The following PCDH15 variants were observed in gnomAD, a reference collection of about 807,000 sequenced individuals.
The protein encoded by PCDH15 is protocadherin related 15.
PCDH15 carries 129 observed loss-of-function variants against 178.5 expected under a neutral mutation model. The ratio of observed to expected loss-of-function variants is 0.72; its 90% CI spans 0.63 to 0.84. PCDH15 has a LOEUF of 0.84. Among genes scored for constraint, PCDH15 ranks in the 40% least tolerant of loss-of-function variants. PCDH15 has a pLI of 0.00. For missense variants in PCDH15, 2,230 were observed against 2,099.9 expected (o/e 1.06, Z -1.21); for synonymous variants, 800 against 732.0 (o/e 1.09, Z -1.50).
intron 20 of PCDH15, among the ~76,000 whole-genome samples, chr10:54,019,480 T>A (rs950718511): frequency 6.6e-6 from 1 of 152,116 alleles, no homozygotes; most frequent in Non-Finnish European, 1.5e-5. Flanking sequence ...TAGAGAAATC[T>A]GAAAGTTTAA....
chr10:54,585,169 G>A (rs1463147223), intron 2 of PCDH15, among the ~76,000 whole-genome samples: 1 of 66,298 alleles, frequency 1.5e-5, no homozygotes. Flanking sequence ...GAAGTTGGCT[G>A]CCCTAAAGGT....
chr10:55,454,607 C>T lies in PCDH15; in HGVS notation c.-156+173018G>A, dbSNP rs1839508989. Among the ~76,000 whole-genome samples the T allele has an allele frequency of 6.4e-5, 8 of 125,032 alleles. No individual in the cohort carries two copies. In the Admixed American group the frequency reaches 6.9e-4, roughly 11 times the overall value. The allele number at this position is 125,032 out of a possible 152,430, so 82.0% of individuals were successfully genotyped here. On this transcript the variant is annotated intron_variant, in intron 2 of 5. Coordinates refer to the PCDH15 transcript ENST00000613346. ...CCTGGCTAACACAGTGAAACCCCGT[C>T]TCTACTAAAAATGCAAAAAAAAAAA...
intron 23 of PCDH15, among the ~76,000 whole-genome samples, chr10:53,946,339 G>A (rs2086572358): frequency 6.6e-6 from 1 of 152,102 alleles, no homozygotes; most frequent in Admixed American, 6.5e-5. Flanking sequence ...TCAGTTATTA[G>A]TGAACTTCCT....
chr10:54,573,088 T>C (rs760638556), intron 2 of PCDH15, among the ~76,000 whole-genome samples: 59 of 152,278 alleles, frequency 3.9e-4, no homozygotes, highest in African/African-American at 1.3e-3. Context: ...GCTTCTCCTT[T>C]ATATGTAAAG....
At chr10:55,612,889 T>C (rs992754906) in intron 2 of PCDH15, among the ~76,000 whole-genome samples, 1 of 152,126 alleles carries the variant, frequency 6.6e-6, no homozygotes, top group Non-Finnish European at 1.5e-5. Flanking sequence ...ACTCACACTT[T>C]ATAATTGAAA....
At chr10:55,106,307 G>C (rs1842673066) in intron 2 of PCDH15, among the ~76,000 whole-genome samples, 1 of 152,016 alleles carries the variant, frequency 6.6e-6, no homozygotes, top group South Asian at 2.1e-4. Flanking sequence ...GCACAGTAAG[G>C]GTTTCTGTTG....
chr10:53,967,650 AC>A (rs2134384233), intron 21 of PCDH15, among the ~76,000 whole-genome samples: 1 of 152,306 alleles, frequency 6.6e-6, no homozygotes, highest in East Asian at 1.9e-4. Flanking sequence ...TTTTATATAT[AC>A]CCAATAAGTT....
Position 55,565,257 on chromosome 10 carries a change from A to G in PCDH15, c.-156+62368T>C, listed in dbSNP as rs115738852. Among the ~76,000 whole-genome samples the G allele has an allele frequency of 9.8e-3, 1,485 of 151,892 alleles. 32 individuals are homozygous for G. The highest frequency in any genetic ancestry group is 0.034 in the African/African-American group (1,421 of 41,528). On this transcript the variant is annotated intron_variant, in intron 2 of 5. Coordinates refer to the PCDH15 transcript ENST00000613346. ...TGTATTTCTAAATTACCAATTGATCAAAGAAGAAATAACAGGGGAACTGTA... is the reference window on the plus strand; with the variant it reads ...TGTATTTCTAAATTACCAATTGATCGAAGAAGAAATAACAGGGGAACTGTA...
chr10:53,926,607 T>C (rs144799053), intron 25 of PCDH15, among the ~76,000 whole-genome samples: 285 of 152,282 alleles, frequency 1.9e-3, no homozygotes, highest in African/African-American at 6.5e-3. Flanking sequence ...TTTCAACCAA[T>C]TGCCAATTAG....
intron 19 of PCDH15, among the ~76,000 whole-genome samples, chr10:54,021,619 CT>C (rs1172470711): frequency 2.6e-5 from 4 of 151,716 alleles, no homozygotes; most frequent in Admixed American, 1.3e-4. Context: ...TTGGATAGCT[CT>C]TACTTGTCCC....
intron 7 of PCDH15, among the ~76,000 whole-genome samples, chr10:54,328,270 A>T (rs950842457): frequency 6.6e-6 from 1 of 151,962 alleles, no homozygotes; most frequent in Non-Finnish European, 1.5e-5. Context: ...TATTTTGCTT[A>T]TAAGTATGCA....
At chr10:54,942,728 A>C (rs1838096109) in intron 2 of PCDH15, among the ~76,000 whole-genome samples, 2 of 152,034 alleles carry the variant, frequency 1.3e-5, no homozygotes, top group Admixed American at 1.3e-4. Flanking sequence ...GCGGAGCCTG[A>C]AAACAGGTTT....
At chr10:55,331,448 A>G (rs1183283273) in intron 2 of PCDH15, among the ~76,000 whole-genome samples, 2 of 151,976 alleles carry the variant, frequency 1.3e-5, no homozygotes, top group African/African-American at 4.8e-5. Flanking sequence ...GAATTGCTTT[A>G]AAAAAAGGAA....
At chr10:54,578,186 T>C (rs192235876) in intron 2 of PCDH15, among the ~76,000 whole-genome samples, 1 of 152,240 alleles carries the variant, frequency 6.6e-6, no homozygotes, top group Admixed American at 6.5e-5. Context: ...AATTCTGGCA[T>C]GTAGTTCTTT....
intron 2 of PCDH15, among the ~76,000 whole-genome samples, chr10:55,420,413 C>G (rs1033900790): frequency 5.3e-5 from 8 of 151,530 alleles, no homozygotes; most frequent in Non-Finnish European, 3.0e-5. Context: ...TGAGAACTCT[C>G]AGTAAGCTGA....
At chr10:54,969,324 A>T (rs1018246299) in intron 2 of PCDH15, among the ~76,000 whole-genome samples, 2 of 152,154 alleles carry the variant, frequency 1.3e-5, no homozygotes, top group Admixed American at 6.6e-5. Flanking sequence ...CAGTAGCAGG[A>T]CTAATTATTT....
chr10:54,697,184 A>C (rs2095241161), intron 1 of PCDH15, among the ~76,000 whole-genome samples: 1 of 152,126 alleles, frequency 6.6e-6, no homozygotes, highest in Non-Finnish European at 1.5e-5. Flanking sequence ...AAAAAATAGT[A>C]ACAAATTTCA....
chr10:54,697,941 T>C (rs1384062312), intron 1 of PCDH15, among the ~76,000 whole-genome samples: 1 of 151,944 alleles, frequency 6.6e-6, no homozygotes, highest in Non-Finnish European at 1.5e-5. Context: ...CAGTGGCATC[T>C]GTACATTCCC....
intron 15 of PCDH15, among the ~76,000 whole-genome samples, chr10:54,105,887 C>T (rs1315658773): frequency 2.6e-5 from 4 of 151,942 alleles, no homozygotes; most frequent in Non-Finnish European, 5.9e-5. Context: ...AGAGACAATC[C>T]CCATGACCGT....
Sources: allele counts gnomAD v4.1 joint callset (sites outside exome capture counted in the v4.1 genomes callset), GRCh38; gene constraint gnomAD v4.1.1; transcripts MANE v1.5; gene names NCBI Gene and HGNC (gene_info 2026-07-23, HGNC 2026-07-21).